Variants in IRX2 observed in about 807,000 individuals in gnomAD.
IRX2 encodes the protein iroquois homeobox 2, also known as iroquois-class homeodomain protein IRX-2.
Under a neutral mutation model 42.9 loss-of-function variants are expected in IRX2, and 26 were observed. The observed-to-expected ratio is 0.61, with a 90% CI of 0.44 to 0.84. The LOEUF (loss-of-function observed/expected upper bound fraction) is 0.84. Among genes scored for constraint, IRX2 ranks in the 40% least tolerant of loss-of-function variants. The probability of loss-of-function intolerance (pLI) is 0.00; values close to 1 mark genes in which losing one functional copy is unlikely to be tolerated. For missense variants in IRX2, 782 were observed against 713.9 expected (o/e 1.10, Z -1.09); for synonymous variants, 424 against 353.9 (o/e 1.20, Z -2.22).
chr5:2,751,195 G>A lies in IRX2; in HGVS notation c.219C>T (p.Ala73=), dbSNP rs1737955231. The change falls in exon 1 of 4, where the codon GCC becomes GCT. Residue 73 remains alanine, a synonymous_variant. Coordinates refer to ENST00000302057, the MANE Select transcript of IRX2 (RefSeq NM_033267.5). The surrounding 1 kb of genome is among the most constrained non-coding windows in gnomAD (Gnocchi z 4.0). ...GSPLQYSADA[A]AAAAGFPSYM... Reference sequence around the variant, plus strand: ...AGGACGGGAAGCCGGCGGCGGCGGCGGCGGCGTCGGCCGAGTACTGCAGCG... The same window carrying A: ...AGGACGGGAAGCCGGCGGCGGCGGCAGCGGCGTCGGCCGAGTACTGCAGCG... 1.6e-6 allele frequency: 2 copies of A among 1,271,374 alleles called. No homozygotes were observed. Among genetic ancestry groups the A allele is most frequent in the East Asian group, 3.3e-5 (1 of 29,954 alleles). 78.8% of individuals were successfully genotyped at this position (1,271,374 alleles called of 1,614,324 possible).
chr5:2,739,621 C>A, the IRX2 span, among the ~76,000 whole-genome samples: 2 of 152,230 alleles, frequency 1.3e-5, no homozygotes, highest in African/African-American at 2.4e-5. Context: ...GGGCCCTGAA[C>A]CCCCGCCGCC....
chr5:2,748,745 C>T lies in IRX2; in HGVS notation c.963G>A (p.Pro321=), dbSNP rs1406194195. ...ACAGCTTGGGCTTGCTGGCGGGGGG[C>T]GGCGCGCCCGGAGACGTCCGGCTGC... ...PQGSRTSPGA[P]PPASKPKLWS... is the part of the protein sequence containing the mutation. The change falls in exon 3 of 4, where the codon CCG becomes CCA. Residue 321 remains proline, a synonymous_variant. Coordinates refer to ENST00000302057, the MANE Select transcript of IRX2 (RefSeq NM_033267.5). 3.7e-6 allele frequency: 5 copies of T among 1,361,408 alleles called. No homozygotes were observed. Among genetic ancestry groups the T allele is most frequent in the Admixed American group, 3.6e-5 (1 of 28,148 alleles). The allele number at this position is 1,361,408 out of a possible 1,614,324, so 84.3% of individuals were successfully genotyped here. A position where few individuals can be genotyped will look rare whatever the true frequency, so the allele number is the denominator to read the frequency against.
Position 2,751,390 on chromosome 5 carries a change from C to G in IRX2, c.24G>C (p.Leu8=). 1 of 1,411,604 alleles carries G rather than the reference C, an allele frequency of 7.1e-7. No homozygotes were observed. The highest frequency in any genetic ancestry group is 9.3e-7 in the Non-Finnish European group (1 of 1,081,062). The allele number at this position is 1,411,604 out of a possible 1,614,324, so 87.4% of individuals were successfully genotyped here. The stretch of plus-strand genomic sequence containing the variant: ...GCGCCAGCGAGCCGGGCGCCTGGTA[C>G]AGGTAGCCCTGCGGGTAGGACATGG... MSYPQGY[L]YQAPGSLALY... The change falls in exon 1 of 4, where the codon CTG becomes CTC. Residue 8 remains leucine (L), a synonymous_variant. Transcript: ENST00000302057. The surrounding 1 kb of genome is among the most constrained non-coding windows in gnomAD (Gnocchi z 4.0).
At position 2,747,521 on chromosome 5, in the gene IRX2, G is replaced by A. The variant is rs1363476418; in HGVS notation, c.*43C>T. The A allele has an allele frequency of 1.3e-6, 2 of 1,586,182 alleles. No individual in the cohort carries two copies. Among genetic ancestry groups the A allele is most frequent in the Non-Finnish European group, 1.7e-6 (2 of 1,154,990 alleles). ...TGGGAGGCTCCACAGGGTCTGGGAAGCACCAGGGTGCCCACTTACTTGCAT... is the reference window on the plus strand; with the variant it reads ...TGGGAGGCTCCACAGGGTCTGGGAAACACCAGGGTGCCCACTTACTTGCAT... On this transcript the variant is annotated 3_prime_UTR_variant, in exon 4 of 4. Transcript: ENST00000302057.
In IRX2 at chr5:2,748,683, T is replaced by C; in HGVS notation, c.1025A>G (p.Gln342Arg). The stretch of plus-strand genomic sequence containing the variant: ...CCCGCAGCCCGGGCCCAGGCTCGGC[T>C]GCTTGAGGTCCGACGTGGCGATCTC... ...LAEIATSDLKQPSLGPGCGPP... is the reference protein window; with the variant it reads ...LAEIATSDLKRPSLGPGCGPP... Residue 342 changes from glutamine to arginine, a missense_variant, in exon 3 of 4, where the codon CAG becomes CGG. Around this residue, in one of 3 missense-constraint regions of IRX2, gnomAD observed 520 missense variants for 437.8 expected, o/e 1.19. Coordinates refer to ENST00000302057, the MANE Select transcript of IRX2 (RefSeq NM_033267.5). 7.2e-7 allele frequency: 1 copy of C among 1,394,738 alleles called. No homozygotes were observed. The highest frequency in any genetic ancestry group is 9.3e-7 in the Non-Finnish European group (1 of 1,075,208). The allele number at this position is 1,394,738 out of a possible 1,614,324, so 86.4% of individuals were successfully genotyped here.
Position 2,751,381 on chromosome 5 carries a change from C to T in IRX2, c.33G>A (p.Ala11=). 7.0e-7 allele frequency: 1 copy of T among 1,420,448 alleles called. No homozygotes were observed. Among genetic ancestry groups the T allele is most frequent in the South Asian group, 1.4e-5 (1 of 73,906 alleles). The allele number at this position is 1,420,448 out of a possible 1,614,324, so 88.0% of individuals were successfully genotyped here. Residue 11 remains alanine (A), a synonymous_variant, in exon 1 of 4, where the codon GCG becomes GCA. Transcript: ENST00000302057. The surrounding 1 kb of genome is among the most constrained non-coding windows in gnomAD (Gnocchi z 4.0). MSYPQGYLYQ[A]PGSLALYSCP... Reference sequence around the variant, plus strand: ...ACGAGTAGAGCGCCAGCGAGCCGGGCGCCTGGTACAGGTAGCCCTGCGGGT... The same window carrying T: ...ACGAGTAGAGCGCCAGCGAGCCGGGTGCCTGGTACAGGTAGCCCTGCGGGT...
chr5:2,742,197 CTCAAAGTGTTTTCTCTTCCACCCA>C (rs1737559345), downstream of IRX2, among the ~76,000 whole-genome samples: 1 of 152,176 alleles, frequency 6.6e-6, no homozygotes, highest in South Asian at 2.1e-4. Context: ...AAAACTGGGG[CTCAAAGTGTTTTCTCTTCCACCCA>C]TCAATGGCTG....
the IRX2 span, among the ~76,000 whole-genome samples, chr5:2,740,788 G>A: frequency 7.0e-4 from 107 of 152,000 alleles, no homozygotes; most frequent in African/African-American, 2.5e-3. Context: ...TCCAGCTCCC[G>A]CACCTTCGGC....
chr5:2,747,906 T>C (rs932238628), intron 3 of IRX2, among the ~76,000 whole-genome samples: 3 of 152,200 alleles, frequency 2.0e-5, no homozygotes, highest in Non-Finnish European at 2.9e-5. Flanking sequence ...GAAAAAACAT[T>C]TGATTTTATC....
At chr5:2,745,747 T>C (rs937102215), downstream of IRX2, 4 of 152,164 alleles carry the variant, frequency 2.6e-5, no homozygotes, top group African/African-American at 9.7e-5. Context: ...AGTAATTTAT[T>C]GGTGGGGGGG....
chr5:2,744,406 C>T (rs1737614143), downstream of IRX2, among the ~76,000 whole-genome samples: 1 of 152,082 alleles, frequency 6.6e-6, no homozygotes, highest in Non-Finnish European at 1.5e-5. Flanking sequence ...ACATTGCTGC[C>T]ATGTGCAATT....
Position 2,749,060 on chromosome 5 carries a change from G to T in IRX2, c.656-8C>A. 6.3e-7 allele frequency: 1 copy of T among 1,595,260 alleles called. No homozygotes were observed. Among genetic ancestry groups the T allele is most frequent in the Non-Finnish European group, 8.5e-7 (1 of 1,178,562 alleles). ...CCACGTGCAGGCTGATCCCTGTGGGGGCGCGGGCACGGTGGGTGGCACGAG... is the reference window on the plus strand; with the variant it reads ...CCACGTGCAGGCTGATCCCTGTGGGTGCGCGGGCACGGTGGGTGGCACGAG... On this transcript the variant is annotated splice_polypyrimidine_tract_variant and splice_region_variant and intron_variant, in intron 2 of 3. Coordinates refer to ENST00000302057, the MANE Select transcript of IRX2 (RefSeq NM_033267.5).
rs1737848291 is a variant in IRX2 at position 2,749,514 on chromosome 5, CCTT to C, written c.520_522del (p.Lys174del). The C allele has an allele frequency of 6.2e-7, 1 of 1,614,082 alleles. No individual in the cohort carries two copies. Among genetic ancestry groups the C allele is most frequent in the Non-Finnish European group, 8.5e-7 (1 of 1,180,038 alleles). On this transcript the variant is annotated inframe_deletion, in exon 2 of 4. Coordinates refer to ENST00000302057, the MANE Select transcript of IRX2 (RefSeq NM_033267.5). ...CTCGGGGCCCAGGTCATCTTGTTCT[CCTT>C]CTTGAGGCGCCGGCGCGCGTTGGCG...
chr5:2,745,391 A>T (rs769736589), downstream of IRX2, among the ~76,000 whole-genome samples: 4 of 152,236 alleles, frequency 2.6e-5, no homozygotes, highest in African/African-American at 9.6e-5. Flanking sequence ...AAATTATATT[A>T]TATGGATATC....
rs749438177 is a variant in IRX2 at position 2,749,057 on chromosome 5, G to C, written c.656-5C>G. ...AGTCCACGTGCAGGCTGATCCCTGT[G>C]GGGGCGCGGGCACGGTGGGTGGCAC... On this transcript the variant is annotated splice_polypyrimidine_tract_variant and splice_region_variant and intron_variant, in intron 2 of 3. Coordinates refer to ENST00000302057, the MANE Select transcript of IRX2 (RefSeq NM_033267.5). 20 of 1,595,324 alleles carry C rather than the reference G, an allele frequency of 1.3e-5. No homozygotes were observed. In the African/African-American group the frequency reaches 2.4e-4, roughly 19 times the overall value.
At position 2,748,900 on chromosome 5, in the gene IRX2, CGTCGTCCTCGTCGTCCTCCAG is replaced by C. The variant is rs760688071; in HGVS notation, c.787_807del (p.Leu263_Asp269del). On this transcript the variant is annotated inframe_deletion, in exon 3 of 4. Transcript: ENST00000302057. ...GCCAGGCCCCGCTCGCCCTCCTCGT[CGTCGTCCTCGTCGTCCTCCAG>C]GTCGTCATACTTGTCCTTGCACTCC... 13 of 1,595,698 alleles carry C rather than the reference CGTCGTCCTCGTCGTCCTCCAG, an allele frequency of 8.1e-6. No homozygotes were observed. In the South Asian group the frequency reaches 1.4e-4, roughly 18 times the overall value.
At chr5:2,750,060 G>T (rs899681684) in intron 1 of IRX2, among the ~76,000 whole-genome samples, 3 of 152,040 alleles carry the variant, frequency 2.0e-5, no homozygotes, top group African/African-American at 7.2e-5. Context: ...GGAGCCGCTC[G>T]TGGCAATGTA....
chr5:2,751,372 C>G lies in IRX2; in HGVS notation c.42G>C (p.Ser14=), dbSNP rs751083463. 1.4e-4 allele frequency: 195 copies of G among 1,425,648 alleles called. 1 individual carries two copies. The highest frequency in any genetic ancestry group is 2.1e-4 in the South Asian group (16 of 74,498). The allele number at this position is 1,425,648 out of a possible 1,614,324, so 88.3% of individuals were successfully genotyped here. Residue 14 remains serine (S), a synonymous_variant, in exon 1 of 4, where the codon TCG becomes TCC. Transcript: ENST00000302057. The surrounding 1 kb of genome is among the most constrained non-coding windows in gnomAD (Gnocchi z 4.0). ...AGGCCGGGCACGAGTAGAGCGCCAG[C>G]GAGCCGGGCGCCTGGTACAGGTAGC... ...PQGYLYQAPG[S]LALYSCPAYG...
the IRX2 span, chr5:2,736,821 C>T: frequency 1.3e-5 from 2 of 152,160 alleles, no homozygotes; most frequent in South Asian, 4.1e-4. Flanking sequence ...AAATCTGGTC[C>T]TCTTTTGATA....
Sources: gnomAD v4.1 joint callset for allele counts (sites outside exome capture counted in the v4.1 genomes callset) on GRCh38, gnomAD v4.1.1 for gene constraint, gnomAD v4.1.1 regional missense constraint, Gnocchi (gnomAD v3.1) non-coding constraint, MANE v1.5 for transcripts, NCBI Gene and HGNC (gene_info 2026-07-23, HGNC 2026-07-21) for gene names.